The following MCU variants were observed in gnomAD, a reference collection of about 807,000 sequenced individuals.
The protein encoded by MCU is calcium uniporter protein, mitochondrial.
MCU carries 12 observed loss-of-function variants against 45.2 expected under a neutral mutation model. The observed-to-expected ratio is 0.27, with a 90% CI of 0.17 to 0.43. The LOEUF is 0.43. MCU is among the 20% of genes least tolerant of loss of function. The pLI is 1.00. For synonymous variants in MCU, 160 were observed against 165.1 expected, an observed-to-expected ratio of 0.97 and a Z score of 0.24; for missense variants, 324 against 436.7, an observed-to-expected ratio of 0.74 and a Z score of 2.30.
At chr10:72,727,001 A>G (rs939644601) in intron 1 of MCU, among the ~76,000 whole-genome samples, 3 of 152,210 alleles carry the variant, frequency 2.0e-5, no homozygotes, top group African/African-American at 7.2e-5. Flanking sequence ...CTAGAAGGTA[A>G]ATTGAGTTGA....
At chr10:72,770,356 T>A (rs1427839151) in intron 1 of MCU, among the ~76,000 whole-genome samples, 1 of 152,194 alleles carries the variant, frequency 6.6e-6, no homozygotes, top group African/African-American at 2.4e-5. Flanking sequence ...TACTGGGCTC[T>A]AGGGTTTATC....
intron 1 of MCU, among the ~76,000 whole-genome samples, chr10:72,816,278 A>G (rs900032559): frequency 1.3e-5 from 2 of 152,206 alleles, no homozygotes; most frequent in Admixed American, 6.5e-5. Context: ...TTCTTCAGCT[A>G]TTTCAGTGAA....
rs952818015 is a variant in MCU at position 72,742,037 on chromosome 10, A to C, written c.150+49736A>C. 1.8e-3 allele frequency among the ~76,000 whole-genome samples: 276 copies of C among 151,776 alleles called. 1 individual carries two copies. The highest frequency in any genetic ancestry group is 6.8e-3 in the Middle Eastern group (2 of 292). On this transcript the variant is annotated intron_variant, in intron 1 of 7. Coordinates refer to ENST00000373053, the MANE Select transcript of MCU (RefSeq NM_138357.3). ...GACTCCGTCTCAAAAAAAAAAAAAA[A>C]AAAAAAAACAAAAACGACATTGCAG...
At chr10:72,796,613 A>G (rs1460648855) in intron 1 of MCU, among the ~76,000 whole-genome samples, 2 of 152,058 alleles carry the variant, frequency 1.3e-5, no homozygotes, top group Non-Finnish European at 2.9e-5. Context: ...TCCTAGGTTC[A>G]GGTGATCCTC....
intron 1 of MCU, among the ~76,000 whole-genome samples, chr10:72,697,627 G>A (rs1199460458): frequency 1.3e-5 from 2 of 151,480 alleles, no homozygotes; most frequent in East Asian, 1.9e-4. Context: ...GTAGAGACGG[G>A]GTTTCACCAT....
chr10:72,776,541 C>T (rs117081355), intron 1 of MCU, among the ~76,000 whole-genome samples: 1 of 152,254 alleles, frequency 6.6e-6, no homozygotes, highest in East Asian at 1.9e-4. Flanking sequence ...AAGCCCTCAT[C>T]AAAATGGGTA....
chr10:72,844,789 A>C (rs1453748887), intron 2 of MCU, among the ~76,000 whole-genome samples: 3 of 152,222 alleles, frequency 2.0e-5, no homozygotes, highest in East Asian at 1.9e-4. Context: ...TCTAGGCATG[A>C]AACTAGTAAA....
At chr10:72,803,377 A>T (rs1378407170) in intron 1 of MCU, among the ~76,000 whole-genome samples, 2 of 151,766 alleles carry the variant, frequency 1.3e-5, no homozygotes, top group Non-Finnish European at 2.9e-5. Flanking sequence ...TTCATTTAAA[A>T]ATGCAGAAAT....
Position 72,693,210 on chromosome 10 carries a change from G to GAC in MCU, c.150+910_150+911insCA, listed in dbSNP as rs1842647551. ...TGTGTGTGTGTGTGTGAGAGAGAGA[G>GAC]AGACAGAGTGTGAGAGAGATTTCTT... On this transcript the variant is annotated intron_variant, in intron 1 of 7. Transcript: ENST00000373053. The GAC allele has an allele frequency of 4.6e-6, 4 of 873,060 alleles. No individual in the cohort carries two copies. The African/African-American group carries it at 6.6e-5, about 14-fold the overall frequency. The allele number at this position is 873,060 out of a possible 1,614,324, so 54.1% of individuals were successfully genotyped here.
chr10:72,857,890 A>G (rs1301743389), intron 2 of MCU, among the ~76,000 whole-genome samples: 1 of 152,232 alleles, frequency 6.6e-6, no homozygotes, highest in Non-Finnish European at 1.5e-5. Flanking sequence ...TTTTCCCTTC[A>G]TAACATTTTG....
chr10:72,760,042 CT>C (rs1391049691), intron 1 of MCU, among the ~76,000 whole-genome samples: 5 of 102,316 alleles, frequency 4.9e-5, no homozygotes, highest in African/African-American at 9.8e-5. Flanking sequence ...TTCTGTAAAA[CT>C]TTAAATTTTT....
intron 1 of MCU, among the ~76,000 whole-genome samples, chr10:72,773,759 C>G (rs1843847859): frequency 6.6e-6 from 1 of 152,128 alleles, no homozygotes; most frequent in African/African-American, 2.4e-5. Context: ...TATAAAGGAA[C>G]TCCAATTGGT....
rs542186937 is a variant in MCU at position 72,865,943 on chromosome 10, AT to A, written c.497-2753del. Among the ~76,000 whole-genome samples, 1,238 of 151,288 alleles carry A rather than the reference AT, an allele frequency of 8.2e-3. 16 individuals are homozygous for A. The highest frequency in any genetic ancestry group is 0.027 in the African/African-American group (1,124 of 41,214). On this transcript the variant is annotated intron_variant, in intron 4 of 7. Coordinates refer to ENST00000373053, the MANE Select transcript of MCU (RefSeq NM_138357.3). ...AGGCGCCTGCCACCATGCCTGGCTA[AT>A]TTTTTTGTATTTTTAGTAGAGACGG... is the stretch of plus-strand genomic sequence containing the variant.
At chr10:72,751,879 G>A (rs1013644892) in intron 1 of MCU, among the ~76,000 whole-genome samples, 11 of 150,878 alleles carry the variant, frequency 7.3e-5, no homozygotes, top group African/African-American at 2.4e-4. Context: ...TGGCTCTGTC[G>A]CCCAGGCTGG....
intron 1 of MCU, among the ~76,000 whole-genome samples, chr10:72,755,547 G>A (rs1309884242): frequency 6.6e-6 from 1 of 152,164 alleles, no homozygotes; most frequent in African/African-American, 2.4e-5. Flanking sequence ...AGTACTATAT[G>A]AGTTAAATAC....
At chr10:72,746,045 C>T (rs1380226923) in intron 1 of MCU, among the ~76,000 whole-genome samples, 1 of 152,084 alleles carries the variant, frequency 6.6e-6, no homozygotes, top group East Asian at 1.9e-4. Context: ...TGTTTTGTTT[C>T]CTTGCATCCA....
At chr10:72,783,768 A>G (rs1025419609) in intron 1 of MCU, among the ~76,000 whole-genome samples, 2 of 152,194 alleles carry the variant, frequency 1.3e-5, no homozygotes, top group Non-Finnish European at 2.9e-5. Context: ...AGAAAATGTG[A>G]CAAGTACCTA....
At chr10:72,838,317 A>G (rs1207454767) in intron 2 of MCU, among the ~76,000 whole-genome samples, 1 of 152,104 alleles carries the variant, frequency 6.6e-6, no homozygotes, top group Non-Finnish European at 1.5e-5. Context: ...TTTGCCTTGT[A>G]TTAAGAATTG....
intron 1 of MCU, among the ~76,000 whole-genome samples, chr10:72,811,993 A>G (rs940868304): frequency 1.3e-5 from 2 of 152,060 alleles, no homozygotes; most frequent in South Asian, 4.1e-4. Flanking sequence ...CTTGTCATTT[A>G]TGTACTAGAT....
Sources: allele counts gnomAD v4.1 joint callset (sites outside exome capture counted in the v4.1 genomes callset), GRCh38; gene constraint gnomAD v4.1.1; transcripts MANE v1.5; gene names NCBI Gene and HGNC (gene_info 2026-07-23, HGNC 2026-07-21).